The following CCDC38 variants were observed in gnomAD, a reference collection of about 807,000 sequenced individuals.
CCDC38 encodes coiled-coil domain containing 38.
In CCDC38, 69 loss-of-function variants were observed where a neutral mutation model predicts 72.8. The ratio of observed to expected loss-of-function variants is 0.95; its 90% CI spans 0.78 to 1.16. CCDC38 has a LOEUF of 1.16. CCDC38 is among the 50% of genes most tolerant of loss of function. The probability of loss-of-function intolerance (pLI) is 0.00; values close to 1 mark genes in which losing one functional copy is unlikely to be tolerated. For synonymous variants in CCDC38, 201 were observed against 213.2 expected (o/e 0.94, Z 0.50); for missense variants, 626 against 638.9 (o/e 0.98, Z 0.22).
intron 1 of CCDC38, among the ~76,000 whole-genome samples, chr12:95,939,359 A>G (rs1041650279): frequency 1.8e-4 from 28 of 152,202 alleles, no homozygotes; most frequent in African/African-American, 6.5e-4. Flanking sequence ...GTGAAATGGA[A>G]CCATTCAATG....
At chr12:95,894,902 A>T (rs1438745636) in intron 8 of CCDC38, 87 bp downstream of exon 8, 1 of 1,114,382 alleles carries the variant, frequency 9.0e-7, no homozygotes, top group Non-Finnish European at 1.3e-6. Context: ...TGCTTAAAAA[A>T]ATATCTATTT....
chr12:95,919,014 A>AT (rs1565962433), intron 2 of CCDC38, 38 bp from the exon 3 acceptor site: 1 of 1,281,546 alleles, frequency 7.8e-7, no homozygotes, highest in Admixed American at 1.7e-5. Context: ...GAATTCTGTC[A>AT]TCCTTCCTCT....
At position 95,879,498 on chromosome 12, in the gene CCDC38, G is replaced by A. The variant is rs770715930; in HGVS notation, c.1142+146C>T. ...TATTCTGTGTAAATACGACGTCTAC[G>A]TTTTGCACTCCACAATGTAAACTAT... On this transcript the variant is annotated intron_variant, in intron 12 of 15. Transcript: ENST00000344280. The surrounding 1 kb of genome is among the most constrained non-coding windows in gnomAD (Gnocchi z 5.5). 2.4e-4 allele frequency: 118 copies of A among 490,436 alleles called. No individual in the cohort carries two copies. The highest frequency in any genetic ancestry group is 2.5e-4 in the Non-Finnish European group (68 of 275,800). The allele number at this position is 490,436 out of a possible 1,614,324, so 30.4% of individuals were successfully genotyped here. A position where few individuals can be genotyped will look rare whatever the true frequency, so the allele number is the denominator to read the frequency against.
chr12:95,906,716 T>TA (rs1463236380), intron 4 of CCDC38, among the ~76,000 whole-genome samples: 1 of 151,990 alleles, frequency 6.6e-6, no homozygotes, highest in African/African-American at 2.4e-5. Context: ...ATAAGGTACT[T>TA]ACTACTATCC....
chr12:95,894,910 T>C (rs945522545), intron 8 of CCDC38, 79 bp downstream of exon 8: 10 of 1,164,422 alleles, frequency 8.6e-6, no homozygotes, highest in Non-Finnish European at 1.2e-5. Context: ...AAAATATCTA[T>C]TTAGATAAAA....
At chr12:95,943,038 G>A (rs531540402), upstream of CCDC38, 741 of 180,658 alleles carry the variant, frequency 4.1e-3, 3 homozygotes, top group African/African-American at 0.013. Context: ...AACCCTTGAC[G>A]CGCTTCCACA....
intron 10 of CCDC38, among the ~76,000 whole-genome samples, chr12:95,882,936 T>G (rs540537547): frequency 6.6e-6 from 1 of 152,368 alleles, no homozygotes; most frequent in African/African-American, 2.4e-5. Context: ...CAGGCAGGCC[T>G]GCTCCTCTTA....
At chr12:95,932,057 G>C (rs1441508880) in intron 2 of CCDC38, among the ~76,000 whole-genome samples, 1 of 152,100 alleles carries the variant, frequency 6.6e-6, no homozygotes, top group Non-Finnish European at 1.5e-5. Context: ...TTAGTATCTT[G>C]TAGGCAGTCT....
At chr12:95,875,203 G>A (rs1454960229) in intron 13 of CCDC38, among the ~76,000 whole-genome samples, 2 of 152,184 alleles carry the variant, frequency 1.3e-5, no homozygotes, top group African/African-American at 4.8e-5. Context: ...CAGTGGGAAA[G>A]AGGGCTGGTA....
intron 10 of CCDC38, among the ~76,000 whole-genome samples, chr12:95,883,496 C>G (rs2079724237): frequency 6.6e-6 from 1 of 152,156 alleles, no homozygotes; most frequent in South Asian, 2.1e-4. Flanking sequence ...CTCCCTCTTC[C>G]AGAGCTTGTC....
chr12:95,923,206 T>C (rs1280648512), intron 2 of CCDC38, among the ~76,000 whole-genome samples: 1 of 152,246 alleles, frequency 6.6e-6, no homozygotes, highest in African/African-American at 2.4e-5. Context: ...CCAGCTCTCC[T>C]GGGTCTCCAG....
Position 95,878,289 on chromosome 12 carries a change from C to T in CCDC38, c.1200G>A (p.Val400=). The T allele has an allele frequency of 2.5e-6, 4 of 1,613,622 alleles. No homozygotes were observed. The highest frequency in any genetic ancestry group is 3.4e-6 in the Non-Finnish European group (4 of 1,179,788). The change falls in exon 13 of 16, where the codon GTG becomes GTA. Residue 400 remains valine (V), a synonymous_variant. Coordinates refer to ENST00000344280, the MANE Select transcript of CCDC38 (RefSeq NM_182496.3). ...ATTCTGCTGCTTTCTCTTCTTCTCT[C>T]ACACAGTTAGCTTTAAGCATTTTTT... ...EQEKMLKANC[V]REEEKAAELQ... is the part of the protein sequence containing the mutation.
rs561081903 is a variant in CCDC38 at position 95,880,889 on chromosome 12, A to G, written c.990+596T>C. Among the ~76,000 whole-genome samples, 7 of 152,326 alleles carry G rather than the reference A, an allele frequency of 4.6e-5. No individual in the cohort carries two copies. In the East Asian group the frequency reaches 1.3e-3, roughly 29 times the overall value. ...ATGAGTATAGAGTTTCTATTTTGCA[A>G]AATCAGAAAGTTCTAGAGATCTATT... is the stretch of plus-strand genomic sequence containing the variant. On this transcript the variant is annotated intron_variant, in intron 11 of 15. Coordinates refer to ENST00000344280, the MANE Select transcript of CCDC38 (RefSeq NM_182496.3).
At chr12:95,874,555 G>A (rs2079615817) in intron 13 of CCDC38, among the ~76,000 whole-genome samples, 1 of 152,208 alleles carries the variant, frequency 6.6e-6, no homozygotes, top group African/African-American at 2.4e-5. Context: ...AGCCTGGCCT[G>A]ACAAAGCAAA....
intron 2 of CCDC38, among the ~76,000 whole-genome samples, chr12:95,931,032 G>T (rs545204050): frequency 2.6e-5 from 4 of 152,220 alleles, no homozygotes; most frequent in Admixed American, 1.3e-4. Context: ...TCCTATTGCC[G>T]CTGTAACAAA....
At chr12:95,941,444 T>C (rs2080449304) in intron 1 of CCDC38, among the ~76,000 whole-genome samples, 1 of 152,208 alleles carries the variant, frequency 6.6e-6, no homozygotes, top group Non-Finnish European at 1.5e-5. Context: ...GAAACAGCTC[T>C]CCCTATGATG....
intron 7 of CCDC38, among the ~76,000 whole-genome samples, chr12:95,897,141 C>T (rs2079898078): frequency 6.6e-6 from 1 of 152,056 alleles, no homozygotes; most frequent in Non-Finnish European, 1.5e-5. Context: ...TTCAGACTCG[C>T]TTGTCTGAAG....
intron 4 of CCDC38, 68 bp downstream of exon 4, chr12:95,917,061 A>G (rs2080151936): frequency 4.5e-6 from 6 of 1,331,058 alleles, no homozygotes; most frequent in Admixed American, 2.7e-5. Flanking sequence ...CCCTCCAACA[A>G]AGCTCCCAAA....
At chr12:95,869,210 GA>G (rs1220966515) in intron 15 of CCDC38, among the ~76,000 whole-genome samples, 3 of 152,082 alleles carry the variant, frequency 2.0e-5, no homozygotes, top group East Asian at 1.9e-4. Context: ...CAAAAAACAA[GA>G]AAAAAATTAT....
Sources: allele counts gnomAD v4.1 joint callset (sites outside exome capture counted in the v4.1 genomes callset), GRCh38; gene constraint gnomAD v4.1.1; non-coding constraint Gnocchi (gnomAD v3.1); transcripts MANE v1.5; gene names NCBI Gene and HGNC (gene_info 2026-07-23, HGNC 2026-07-21).